Variants in CRYBB1 observed in about 807,000 individuals in gnomAD.
CRYBB1 encodes the protein crystallin beta B1, also known as beta-crystallin B1.
CRYBB1 carries 16 observed loss-of-function variants against 29.5 expected under a neutral mutation model. The ratio of observed to expected loss-of-function variants is 0.54; its 90% CI spans 0.37 to 0.82. The LOEUF (loss-of-function observed/expected upper bound fraction) is 0.82. CRYBB1 is among the 40% of genes least tolerant of loss of function. The pLI, the probability that CRYBB1 is intolerant of heterozygous loss-of-function variation, is 0.00. For synonymous variants in CRYBB1, 127 were observed against 136.7 expected, an observed-to-expected ratio of 0.93 and a Z score of 0.49; for missense variants, 300 against 350.5, an observed-to-expected ratio of 0.86 and a Z score of 1.15.
intron 4 of CRYBB1, among the ~76,000 whole-genome samples, chr22:26,607,171 C>T (rs1193407483): frequency 4.6e-5 from 7 of 151,546 alleles, no homozygotes; most frequent in South Asian, 2.1e-4. Context: ...TACAGGCATG[C>T]GCCACCACGC....
chr22:26,609,048 A>G (rs1929074356), intron 3 of CRYBB1, among the ~76,000 whole-genome samples: 1 of 152,222 alleles, frequency 6.6e-6, no homozygotes, highest in African/African-American at 2.4e-5. Context: ...CATTCCGTAG[A>G]TGAGAAAGCT....
At chr22:26,612,402 G>A (rs146375362) in intron 2 of CRYBB1, among the ~76,000 whole-genome samples, 68 of 152,022 alleles carry the variant, frequency 4.5e-4, no homozygotes, top group African/African-American at 1.3e-3. Context: ...TCACTCTGTC[G>A]CCCCAGCTGA....
In CRYBB1 at chr22:26,600,263, G is replaced by C. The variant is rs952128309; in HGVS notation, c.576-590C>G. Among the ~76,000 whole-genome samples the C allele has an allele frequency of 4.6e-5, 7 of 152,026 alleles. No individual in the cohort carries two copies. The South Asian group carries it at 1.0e-3, about 23-fold the overall frequency. ...AAAAATACAAAAAAATTAGCAGGGTGTGGTGGTGGGCACCTGTAGTCCCAG... is the reference window on the plus strand; with the variant it reads ...AAAAATACAAAAAAATTAGCAGGGTCTGGTGGTGGGCACCTGTAGTCCCAG... On this transcript the variant is annotated intron_variant, in intron 5 of 5. Transcript: ENST00000647684.
At chr22:26,603,558 C>A (rs980708609) in intron 4 of CRYBB1, among the ~76,000 whole-genome samples, 1 of 151,440 alleles carries the variant, frequency 6.6e-6, no homozygotes, top group Non-Finnish European at 1.5e-5. Context: ...AATGGGGTTA[C>A]TATTGCTTCG....
At chr22:26,610,334 C>A (rs1399986222) in intron 3 of CRYBB1, among the ~76,000 whole-genome samples, 1 of 152,144 alleles carries the variant, frequency 6.6e-6, no homozygotes, top group Non-Finnish European at 1.5e-5. Flanking sequence ...CCTACCTCAC[C>A]CTCTTCATTC....
intron 5 of CRYBB1, among the ~76,000 whole-genome samples, chr22:26,600,464 A>G (rs997806440): frequency 6.6e-6 from 1 of 152,194 alleles, no homozygotes; most frequent in Non-Finnish European, 1.5e-5. Flanking sequence ...CTGGGAACAC[A>G]TACTCTGGTA....
chr22:26,609,042 C>T (rs1408946546), intron 3 of CRYBB1, among the ~76,000 whole-genome samples: 1 of 152,098 alleles, frequency 6.6e-6, no homozygotes, highest in East Asian at 1.9e-4. Context: ...AATCCCCATT[C>T]CGTAGATGAG....
intron 4 of CRYBB1, among the ~76,000 whole-genome samples, chr22:26,604,556 A>C (rs965524188): frequency 6.6e-6 from 1 of 152,212 alleles, no homozygotes; most frequent in Non-Finnish European, 1.5e-5. Context: ...AAGAAGTGAC[A>C]CTAGAGAGGG....
At chr22:26,604,018 G>A (rs372831036) in intron 4 of CRYBB1, among the ~76,000 whole-genome samples, 17 of 152,332 alleles carry the variant, frequency 1.1e-4, no homozygotes, top group Middle Eastern at 3.4e-3. Context: ...TCATGACCCT[G>A]TATCTTGTTT....
chr22:26,616,654 T>C (rs144466098), intron 1 of CRYBB1, among the ~76,000 whole-genome samples: 1 of 152,320 alleles, frequency 6.6e-6, no homozygotes, highest in East Asian at 1.9e-4. Context: ...ATCACACTGA[T>C]TTGCTTGTGC....
chr22:26,610,324 C>CCT (rs1279789583), intron 3 of CRYBB1, among the ~76,000 whole-genome samples: 1 of 152,154 alleles, frequency 6.6e-6, no homozygotes, highest in Non-Finnish European at 1.5e-5. Context: ...TTTCCCCATG[C>CCT]CTACCTCACC....
At chr22:26,608,422 C>T (rs1188598388) in intron 3 of CRYBB1, among the ~76,000 whole-genome samples, 1 of 152,142 alleles carries the variant, frequency 6.6e-6, no homozygotes, top group East Asian at 1.9e-4. Flanking sequence ...GAGAAAGGCT[C>T]GTTTGATGTT....
At position 26,599,658 on chromosome 22, in the gene CRYBB1, C is replaced by G; in HGVS notation, c.591G>C (p.Gln197His). The G allele has an allele frequency of 1.2e-6, 2 of 1,614,100 alleles. No homozygotes were observed. Among genetic ancestry groups the G allele is most frequent in the Non-Finnish European group, 1.7e-6 (2 of 1,179,948 alleles). The change falls in exon 6 of 6, where the codon CAG becomes CAC. Residue 197 changes from glutamine to histidine, a missense_variant. By Grantham distance (24) the Gln-to-His change is conservative. Transcript: ENST00000647684. ...ACTGGTACCCGCGGTAGCCAGGATACTGATAGCCAACCCATCTGAGAGAAA... is the reference window on the plus strand; with the variant it reads ...ACTGGTACCCGCGGTAGCCAGGATAGTGATAGCCAACCCATCTGAGAGAAA... Reference protein sequence around the residue: ...KVSSGTWVGYQYPGYRGYQYL... With the variant: ...KVSSGTWVGYHYPGYRGYQYL...
intron 2 of CRYBB1, 84 bp downstream of exon 2, chr22:26,616,056 G>A: frequency 9.3e-7 from 1 of 1,075,510 alleles, no homozygotes; most frequent in Non-Finnish European, 1.4e-6. Context: ...AGGTGAAAGA[G>A]GAAGAGGAGG....
At chr22:26,601,806 T>C in intron 5 of CRYBB1, 73 bp downstream of exon 5, 1 of 1,606,042 alleles carries the variant, frequency 6.2e-7, no homozygotes, top group Non-Finnish European at 8.5e-7. Context: ...TGTTATAACC[T>C]GTAAGGGGAG....
Position 26,616,206 on chromosome 22 carries a change from G to A in CRYBB1, c.114C>T (p.Thr38=). ...TAATAGGCACGGTTGTTGGGGCCAG[G>A]GTAGTGCCGGGACTAGGGGATGTTC... The part of the protein sequence containing the change: ...PAGTSPSPGT[T]LAPTTVPITS... The change falls in exon 2 of 6, where the codon ACC becomes ACT. Residue 38 remains threonine, a synonymous_variant. Transcript: ENST00000647684. 1 of 1,614,222 alleles carries A rather than the reference G, an allele frequency of 6.2e-7. No homozygotes were observed.
chr22:26,601,482 T>A (rs1928817179), intron 5 of CRYBB1, among the ~76,000 whole-genome samples: 1 of 151,820 alleles, frequency 6.6e-6, no homozygotes, highest in South Asian at 2.1e-4. Flanking sequence ...GCAAATTCAC[T>A]GCTCAGAACT....
chr22:26,601,338 G>A (rs1928812182), intron 5 of CRYBB1, among the ~76,000 whole-genome samples: 1 of 152,130 alleles, frequency 6.6e-6, no homozygotes, highest in Admixed American at 6.5e-5. Context: ...AGCGTTCAGA[G>A]CAGGAAGGGC....
chr22:26,603,816 C>T (rs1928896258), intron 4 of CRYBB1, among the ~76,000 whole-genome samples: 2 of 151,834 alleles, frequency 1.3e-5, no homozygotes, highest in East Asian at 1.9e-4. Context: ...CCCAGCTACT[C>T]AGGAGGCTGA....
Sources: allele counts gnomAD v4.1 joint callset (sites outside exome capture counted in the v4.1 genomes callset), GRCh38; gene constraint gnomAD v4.1.1; transcripts MANE v1.5; gene names NCBI Gene and HGNC (gene_info 2026-07-23, HGNC 2026-07-21).